TANC1: variants seen among roughly 807,000 people sequenced by gnomAD.
The protein encoded by TANC1 is protein TANC1.
TANC1 carries 77 observed loss-of-function variants against 149.7 expected under a neutral mutation model. The ratio of observed to expected loss-of-function variants is 0.51; its 90% confidence interval spans 0.43 to 0.62. The LOEUF (loss-of-function observed/expected upper bound fraction) is 0.62, where lower values mean the gene tolerates loss of function less well. Among genes scored for constraint, TANC1 ranks in the 20% least tolerant of loss-of-function variants. The probability of loss-of-function intolerance (pLI) is 0.00; values close to 1 mark genes in which losing one functional copy is unlikely to be tolerated. For synonymous variants in TANC1, 854 were observed against 925.0 expected, an observed-to-expected ratio of 0.92 and a Z score of 1.39; for missense variants, 1,985 against 2,321.8, an observed-to-expected ratio of 0.85 and a Z score of 2.98.
Position 159,210,068 on chromosome 2 carries a change from G to A in TANC1, c.3245-7429G>A, listed in dbSNP as rs145692202. On this transcript the variant is annotated intron_variant, in intron 19 of 26. Transcript: ENST00000263635. Reference sequence around the variant, plus strand: ...CCAGCCGCCCTGCCCTGCCCTGCCCGCAGTGCCCTCTCAGCTAGCAGGAAG... The same window carrying A: ...CCAGCCGCCCTGCCCTGCCCTGCCCACAGTGCCCTCTCAGCTAGCAGGAAG... Among the ~76,000 whole-genome samples the A allele has an allele frequency of 2.7e-3, 406 of 152,242 alleles. 1 individual carries two copies. The highest frequency in any genetic ancestry group is 4.6e-3 in the Non-Finnish European group (314 of 68,018).
At chr2:159,226,679 A>G (rs2060044197) in intron 24 of TANC1, 1 of 152,176 alleles carries the variant, frequency 6.6e-6, no homozygotes, top group African/African-American at 2.4e-5. Context: ...TTCACTTTAA[A>G]TTTTTCCAAA....
At chr2:159,085,906 A>G (rs184721406) in intron 3 of TANC1, among the ~76,000 whole-genome samples, 50 of 152,334 alleles carry the variant, frequency 3.3e-4, no homozygotes, top group African/African-American at 1.1e-3. Flanking sequence ...ACAGTACTCA[A>G]TGTAAATCCT....
chr2:159,102,015 C>G (rs946723044), intron 4 of TANC1, among the ~76,000 whole-genome samples: 2 of 152,146 alleles, frequency 1.3e-5, no homozygotes, highest in East Asian at 3.9e-4. Flanking sequence ...AACTTCTCTG[C>G]CTGTTTTGTT....
At chr2:159,150,626 C>T in intron 7 of TANC1, 70 bp downstream of exon 7, 2 of 1,265,112 alleles carry the variant, frequency 1.6e-6, no homozygotes, top group South Asian at 1.3e-5. Flanking sequence ...CAGGCACTTC[C>T]TCAGAGGGTT....
At chr2:159,223,387 G>T (rs1409419866) in intron 22 of TANC1, among the ~76,000 whole-genome samples, 1 of 151,936 alleles carries the variant, frequency 6.6e-6, no homozygotes, top group African/African-American at 2.4e-5. Context: ...GATCATTTTT[G>T]TAGAAATCTA....
At chr2:159,197,181 CTGAG>C (rs1255282054) in intron 18 of TANC1, among the ~76,000 whole-genome samples, 2 of 152,200 alleles carry the variant, frequency 1.3e-5, no homozygotes, top group South Asian at 2.1e-4. Context: ...AAAATCGTTC[CTGAG>C]TATTTGAAGG....
intron 2 of TANC1, among the ~76,000 whole-genome samples, chr2:159,053,134 T>TC (rs2041591960): frequency 1.3e-5 from 2 of 152,084 alleles, no homozygotes; most frequent in South Asian, 4.2e-4. Flanking sequence ...CTGAATTTTT[T>TC]TTTTTTAAGT....
chr2:159,125,849 A>G (rs1452800935), intron 4 of TANC1, among the ~76,000 whole-genome samples: 1 of 151,994 alleles, frequency 6.6e-6, no homozygotes, highest in Admixed American at 6.6e-5. Flanking sequence ...CGGTCTCCCA[A>G]AGTGCTGGGA....
At chr2:159,187,794 G>A (rs567035161) in intron 16 of TANC1, among the ~76,000 whole-genome samples, 148 of 152,130 alleles carry the variant, frequency 9.7e-4, no homozygotes, top group African/African-American at 3.4e-3. Context: ...TGTATCTCTC[G>A]GCTTCTCCAT....
At chr2:158,987,879 C>T (rs2035189264) in intron 1 of TANC1, among the ~76,000 whole-genome samples, 1 of 152,162 alleles carries the variant, frequency 6.6e-6, no homozygotes, top group African/African-American at 2.4e-5. Context: ...TGGGCACCTG[C>T]CTGGTTCATT....
chr2:159,112,590 A>G (rs909717539), intron 4 of TANC1, among the ~76,000 whole-genome samples: 3 of 140,444 alleles, frequency 2.1e-5, no homozygotes, highest in Admixed American at 1.5e-4. Context: ...TTCCTAAGAG[A>G]CAGGTTCTTG....
At chr2:159,068,284 C>A (rs964340272) in intron 3 of TANC1, among the ~76,000 whole-genome samples, 2 of 152,138 alleles carry the variant, frequency 1.3e-5, no homozygotes, top group African/African-American at 4.8e-5. Flanking sequence ...GCTAGTCTAC[C>A]AAGACTGCTC....
At chr2:159,002,586 C>T (rs1370541926) in intron 2 of TANC1, among the ~76,000 whole-genome samples, 3 of 152,142 alleles carry the variant, frequency 2.0e-5, no homozygotes, top group Admixed American at 1.3e-4. Context: ...ACTTCTAAGG[C>T]GTGGCCAGTG....
intron 7 of TANC1, among the ~76,000 whole-genome samples, chr2:159,153,697 C>G (rs1407817836): frequency 6.6e-6 from 1 of 152,140 alleles, no homozygotes; most frequent in Non-Finnish European, 1.5e-5. Flanking sequence ...GAAGAGCTTC[C>G]TTTTAAATCA....
chr2:158,974,540 C>T (rs2033383998), intron 1 of TANC1, among the ~76,000 whole-genome samples: 2 of 152,190 alleles, frequency 1.3e-5, no homozygotes, highest in Admixed American at 1.3e-4. Flanking sequence ...TCAAGTGATT[C>T]TCCTGCCTCG....
intron 2 of TANC1, among the ~76,000 whole-genome samples, chr2:159,032,564 C>A (rs2149484542): frequency 6.6e-6 from 1 of 152,226 alleles, no homozygotes; most frequent in East Asian, 1.9e-4. Context: ...TAAAATATAA[C>A]AGCCTGTAAT....
At chr2:159,172,857 T>A (rs1575087209) in intron 11 of TANC1, among the ~76,000 whole-genome samples, 1 of 152,222 alleles carries the variant, frequency 6.6e-6, no homozygotes, top group African/African-American at 2.4e-5. Flanking sequence ...TAAGTTTCCC[T>A]GGGCAGCAGT....
intron 7 of TANC1, among the ~76,000 whole-genome samples, chr2:159,159,582 C>T (rs1559366340): frequency 6.6e-6 from 1 of 152,098 alleles, no homozygotes; most frequent in Non-Finnish European, 1.5e-5. Context: ...AGATAATTAA[C>T]TCCTTTTATG....
chr2:158,969,080 G>C (rs1205734233), intron 1 of TANC1, among the ~76,000 whole-genome samples: 1 of 152,216 alleles, frequency 6.6e-6, no homozygotes. Context: ...CCCTGGAACC[G>C]GTGTGGTGGG....
Sources: gnomAD v4.1 joint callset for allele counts (sites outside exome capture counted in the v4.1 genomes callset) on GRCh38, gnomAD v4.1.1 for gene constraint, MANE v1.5 for transcripts, NCBI Gene and HGNC (gene_info 2026-07-23, HGNC 2026-07-21) for gene names.